PTPRD: variants seen among roughly 807,000 people sequenced by gnomAD.
PTPRD encodes the protein protein tyrosine phosphatase receptor type D.
PTPRD carries 34 observed loss-of-function variants against 214.5 expected under a neutral mutation model. The observed-to-expected ratio is 0.16, with a 90% CI of 0.12 to 0.21. PTPRD has a LOEUF of 0.21. Among genes scored for constraint, PTPRD ranks in the 10% least tolerant of loss-of-function variants. PTPRD has a pLI of 1.00. For missense variants in PTPRD, 2,545 were observed against 2,398.7 expected (o/e 1.06, Z -1.27); for synonymous variants, 1,128 against 845.7 (o/e 1.33, Z -5.79).
At chr9:9,836,620 G>A (rs1365103969) in intron 5 of PTPRD, among the ~76,000 whole-genome samples, 2 of 152,126 alleles carry the variant, frequency 1.3e-5, no homozygotes, top group African/African-American at 4.8e-5. Flanking sequence ...AAAGGATGCA[G>A]AGAGTAACAT....
chr9:8,846,442 A>C (rs888473103), intron 11 of PTPRD, among the ~76,000 whole-genome samples: 4 of 152,226 alleles, frequency 2.6e-5, no homozygotes, highest in African/African-American at 9.7e-5. Context: ...ACAGAGTAAA[A>C]ATAAGCAATT....
chr9:10,345,132 C>G (rs1039938954), intron 2 of PTPRD, among the ~76,000 whole-genome samples: 2 of 151,960 alleles, frequency 1.3e-5, no homozygotes, highest in Non-Finnish European at 2.9e-5. Context: ...TGATTCATTG[C>G]AAGTGGTCAA....
chr9:9,115,027 A>G (rs2099810984), intron 10 of PTPRD, among the ~76,000 whole-genome samples: 1 of 152,176 alleles, frequency 6.6e-6, no homozygotes, highest in African/African-American at 2.4e-5. Flanking sequence ...TAAGGTATCC[A>G]AACAAAGCTT....
intron 3 of PTPRD, among the ~76,000 whole-genome samples, chr9:10,298,636 T>C (rs1032015071): frequency 6.6e-6 from 1 of 152,020 alleles, no homozygotes; most frequent in African/African-American, 2.4e-5. Flanking sequence ...TAGACCCATT[T>C]CCCATGATTG....
chr9:9,900,928 C>T (rs1354540639), intron 5 of PTPRD, among the ~76,000 whole-genome samples: 2 of 152,140 alleles, frequency 1.3e-5, no homozygotes, highest in East Asian at 1.9e-4. Context: ...ATGCCCCACT[C>T]CTTGGTGCCA....
At chr9:10,314,824 C>T (rs1206557665) in intron 3 of PTPRD, among the ~76,000 whole-genome samples, 1 of 151,874 alleles carries the variant, frequency 6.6e-6, no homozygotes, top group African/African-American at 2.4e-5. Flanking sequence ...GTTATGTCTT[C>T]AAATTCCAAG....
chr9:9,972,476 C>A (rs2095160361), intron 4 of PTPRD, among the ~76,000 whole-genome samples: 1 of 152,160 alleles, frequency 6.6e-6, no homozygotes, highest in Admixed American at 6.5e-5. Flanking sequence ...AATTTAATTT[C>A]ATTCACTCCC....
chr9:9,231,862 C>T lies in PTPRD; in HGVS notation c.-202-48499G>A, dbSNP rs185061621. 2.1e-3 allele frequency among the ~76,000 whole-genome samples: 325 copies of T among 152,154 alleles called. 4 individuals carry two copies. Among genetic ancestry groups the T allele is most frequent in the Non-Finnish European group, 3.8e-4 (26 of 67,992 alleles). ...TCATCATTTACATTACGTATTTTCC[C>T]TAATGTTAAATACTTCCTTTTTCTG... On this transcript the variant is annotated intron_variant, in intron 9 of 45. Transcript: ENST00000381196.
intron 43 of PTPRD, among the ~76,000 whole-genome samples, chr9:8,337,827 T>G (rs961571651): frequency 1.3e-5 from 2 of 152,064 alleles, no homozygotes; most frequent in African/African-American, 4.8e-5. Context: ...AAAATGCACT[T>G]TCTATTTTCA....
At chr9:9,428,358 C>T (rs947495997) in intron 8 of PTPRD, among the ~76,000 whole-genome samples, 6 of 152,134 alleles carry the variant, frequency 3.9e-5, no homozygotes, top group Non-Finnish European at 8.8e-5. Context: ...ACAAGAAGAG[C>T]TAACTATCCT....
chr9:9,697,974 C>T (rs557414828), intron 7 of PTPRD, among the ~76,000 whole-genome samples: 2 of 152,178 alleles, frequency 1.3e-5, no homozygotes, highest in African/African-American at 4.8e-5. Context: ...ACATATTTCT[C>T]AGCTCCAGGA....
At chr9:10,207,743 T>C (rs1475067993) in intron 3 of PTPRD, among the ~76,000 whole-genome samples, 1 of 151,844 alleles carries the variant, frequency 6.6e-6, no homozygotes, top group Non-Finnish European at 1.5e-5. Context: ...TATTTAATAA[T>C]TCTCAACCCC....
intron 26 of PTPRD, among the ~76,000 whole-genome samples, chr9:8,494,983 A>C (rs1490069149): frequency 1.3e-5 from 2 of 152,092 alleles, no homozygotes; most frequent in Non-Finnish European, 2.9e-5. Context: ...GACTGTTAAA[A>C]GTTGGCATAC....
chr9:8,621,003 G>C (rs1165124043), intron 14 of PTPRD, among the ~76,000 whole-genome samples: 1 of 151,958 alleles, frequency 6.6e-6, no homozygotes, highest in Non-Finnish European at 1.5e-5. Flanking sequence ...ACTACTTTAT[G>C]AAAACAAATG....
chr9:9,866,232 A>G lies in PTPRD; in HGVS notation c.-368+72275T>C, dbSNP rs542546899. On this transcript the variant is annotated intron_variant, in intron 5 of 45. Transcript: ENST00000381196. Reference sequence around the variant, plus strand: ...TACTACACACTTTAGAATCTGCTATATATGTCATAGCCTTAATCAGTTGTA... The same window carrying G: ...TACTACACACTTTAGAATCTGCTATGTATGTCATAGCCTTAATCAGTTGTA... Among the ~76,000 whole-genome samples the G allele has an allele frequency of 2.0e-5, 3 of 152,322 alleles. No individual in the cohort carries two copies. The South Asian group carries it at 6.2e-4, about 32-fold the overall frequency.
intron 4 of PTPRD, among the ~76,000 whole-genome samples, chr9:10,031,636 A>G (rs1052217587): frequency 5.2e-5 from 6 of 116,400 alleles, no homozygotes; most frequent in African/African-American, 3.0e-4. Flanking sequence ...ATATATATAT[A>G]TATATATATA....
chr9:8,448,990 T>A (rs2095840427), intron 34 of PTPRD, among the ~76,000 whole-genome samples: 1 of 152,180 alleles, frequency 6.6e-6, no homozygotes. Flanking sequence ...CCATTCATAA[T>A]TTGCCATTCA....
At chr9:9,940,006 G>A (rs1198717061) in intron 4 of PTPRD, among the ~76,000 whole-genome samples, 1 of 152,160 alleles carries the variant, frequency 6.6e-6, no homozygotes, top group African/African-American at 2.4e-5. Flanking sequence ...TGTGCCAGGT[G>A]AAAACAGATG....
intron 11 of PTPRD, among the ~76,000 whole-genome samples, chr9:8,989,583 C>T (rs1365572707): frequency 6.6e-6 from 1 of 152,054 alleles, no homozygotes; most frequent in East Asian, 1.9e-4. Flanking sequence ...ATATATACCA[C>T]ATTTTCCTTA....
Sources: gnomAD v4.1 joint callset for allele counts (sites outside exome capture counted in the v4.1 genomes callset) on GRCh38, gnomAD v4.1.1 for gene constraint, MANE v1.5 for transcripts, NCBI Gene and HGNC (gene_info 2026-07-23, HGNC 2026-07-21) for gene names.